Variants in DDX11 observed in about 807,000 individuals in gnomAD.
The protein encoded by DDX11 is DEAD/H-box helicase 11.
In DDX11, 72 loss-of-function variants were observed where a neutral mutation model predicts 125.2. The observed-to-expected ratio is 0.58, with a 90% confidence interval of 0.48 to 0.70. The LOEUF (loss-of-function observed/expected upper bound fraction) is 0.70. DDX11 is among the 30% of genes least tolerant of loss of function. The pLI is 0.00. For missense variants in DDX11, 883 were observed against 1,165.0 expected (o/e 0.76, Z 3.52); for synonymous variants, 347 against 452.6 (o/e 0.77, Z 2.96).
chr12:31,102,796 G>C lies in DDX11; in HGVS notation c.2373-140G>C, dbSNP rs557496773. ...CCGAACAAGCCCTCTCCAGGTGGTAGGTACAGAGTGGAGAGAGGCTGAGTT... is the reference window on the plus strand; with the variant it reads ...CCGAACAAGCCCTCTCCAGGTGGTACGTACAGAGTGGAGAGAGGCTGAGTT... On this transcript the variant is annotated intron_variant, in intron 23 of 26. Transcript: ENST00000542838. The C allele has an allele frequency of 4.1e-4, 319 of 782,594 alleles. 2 individuals carry two copies. Among genetic ancestry groups the C allele is most frequent in the Admixed American group, 2.2e-3 (110 of 48,908 alleles). The allele number at this position is 782,594 out of a possible 1,614,324, so 48.5% of individuals were successfully genotyped here. A position where few individuals can be genotyped will look rare whatever the true frequency, so the allele number is the denominator to read the frequency against.
At chr12:31,091,426 G>A (rs568798672) in intron 9 of DDX11, 88 of 365,478 alleles carry the variant, frequency 2.4e-4, no homozygotes, top group African/African-American at 1.7e-3. Context: ...AAACTCGGGG[G>A]CCTCCGGGGC....
chr12:31,099,933 C>T (rs1376561710), intron 18 of DDX11, among the ~76,000 whole-genome samples: 2 of 152,098 alleles, frequency 1.3e-5, no homozygotes, highest in Admixed American at 1.3e-4. Context: ...TCATTTTTCC[C>T]TTTCCTGTTT....
chr12:31,084,810 G>A, intron 4 of DDX11, 141 bp downstream of exon 4: 1 of 988,028 alleles, frequency 1.0e-6, no homozygotes, highest in South Asian at 1.4e-5. Context: ...GCTGGGCTGT[G>A]AGTGGTTGAG....
At chr12:31,089,023 G>A (rs369463302) in intron 6 of DDX11, 21 bp from the exon 7 acceptor site, 60 of 1,601,800 alleles carry the variant, frequency 3.7e-5, no homozygotes, top group African/African-American at 3.2e-4. Flanking sequence ...TCTTTGAAGC[G>A]CCTTTCTTTC....
At position 31,084,954 on chromosome 12, in the gene DDX11, A is replaced by G. The variant is rs1942805614; in HGVS notation, c.481-15A>G. 1.9e-6 allele frequency: 3 copies of G among 1,597,696 alleles called. No homozygotes were observed. The highest frequency in any genetic ancestry group is 2.6e-6 in the Non-Finnish European group (3 of 1,171,108). ...GACTTCTTCCTCCCTCACCACCTCCACTACCCCTGTCCAGAGGCAGGAAGA... is the reference window on the plus strand; with the variant it reads ...GACTTCTTCCTCCCTCACCACCTCCGCTACCCCTGTCCAGAGGCAGGAAGA... On this transcript the variant is annotated splice_polypyrimidine_tract_variant and intron_variant, in intron 4 of 26. Coordinates refer to ENST00000542838, the MANE Select transcript of DDX11 (RefSeq NM_030653.4).
intron 2 of DDX11, among the ~76,000 whole-genome samples, chr12:31,078,761 C>T (rs1242824637): frequency 4.6e-5 from 7 of 150,928 alleles, no homozygotes; most frequent in Admixed American, 3.3e-4. Context: ...GATCTCGGCT[C>T]ACTGCAAGCT....
At position 31,096,912 on chromosome 12, in the gene DDX11, C is replaced by T; in HGVS notation, c.1684C>T (p.Pro562Ser). 1 of 1,614,192 alleles carries T rather than the reference C, an allele frequency of 6.2e-7. No individual in the cohort carries two copies. Among genetic ancestry groups the T allele is most frequent in the Non-Finnish European group, 8.5e-7 (1 of 1,180,040 alleles). ...GGCCAGCACCCTGCGACCAGCTTCT[C>T]CACTGATGCACATCCAAGGCTTCCT... ...SQASTLRPAS[P>S]LMHIQGFLAA... Residue 562 changes from proline to serine, a missense_variant, in exon 17 of 27, where the codon CCA (proline) becomes TCA (serine). Around this residue, in one of 5 missense-constraint regions of DDX11, gnomAD observed 241 missense variants for 279.7 expected, o/e 0.86. Coordinates refer to ENST00000542838, the MANE Select transcript of DDX11 (RefSeq NM_030653.4).
At chr12:31,091,352 G>A in intron 9 of DDX11, 1 of 206,626 alleles carries the variant, frequency 4.8e-6, no homozygotes. Flanking sequence ...CTGGGGAGTA[G>A]CAGCTCCAGG....
At chr12:31,097,710 C>T in intron 17 of DDX11, among the ~76,000 whole-genome samples, 175 bp from the exon 18 acceptor site, 1 of 145,392 alleles carries the variant, frequency 6.9e-6, no homozygotes, top group Non-Finnish European at 1.5e-5. Flanking sequence ...ATGGAGAGGA[C>T]AGTGTGGTCC....
rs144142377 is a variant in DDX11 at position 31,090,719 on chromosome 12, C to T, written c.1089+625C>T. Among the ~76,000 whole-genome samples the T allele has an allele frequency of 4.8e-3, 734 of 152,264 alleles. 5 individuals are homozygous for T. The highest frequency in any genetic ancestry group is 0.017 in the African/African-American group (692 of 41,542). On this transcript the variant is annotated intron_variant, in intron 9 of 26. Coordinates refer to ENST00000542838, the MANE Select transcript of DDX11 (RefSeq NM_030653.4). ...TCTTTAATTTGAGTGACTTTGGAAA[C>T]GGGATATCACTAGTGGAAAATTCTG... is the stretch of plus-strand genomic sequence containing the variant.
At chr12:31,087,436 A>G (rs1943352167) in intron 5 of DDX11, 1 of 301,414 alleles carries the variant, frequency 3.3e-6, no homozygotes, top group South Asian at 3.2e-5. Flanking sequence ...AGCAGGGGCC[A>G]TGAATCTGTG....
intron 18 of DDX11, among the ~76,000 whole-genome samples, chr12:31,098,611 G>A (rs1475805090): frequency 7.9e-5 from 12 of 152,230 alleles, no homozygotes; most frequent in South Asian, 2.1e-4. Context: ...AAATATAACC[G>A]CATTTCTGCA....
chr12:31,088,326 G>T (rs533938929), intron 6 of DDX11, among the ~76,000 whole-genome samples: 83 of 152,136 alleles, frequency 5.5e-4, no homozygotes, highest in African/African-American at 1.8e-3. Context: ...TCTCCTGGGG[G>T]CAGGGCCATG....
chr12:31,090,255 G>A (rs1198504043), intron 9 of DDX11, among the ~76,000 whole-genome samples, 161 bp downstream of exon 9: 2 of 145,970 alleles, frequency 1.4e-5, no homozygotes, highest in South Asian at 2.3e-4. Flanking sequence ...TGGAGGAGGC[G>A]CGTGGGATCC....
At chr12:31,079,134 T>C (rs1941339347) in intron 2 of DDX11, among the ~76,000 whole-genome samples, 1 of 152,272 alleles carries the variant, frequency 6.6e-6, no homozygotes, top group Non-Finnish European at 1.5e-5. Flanking sequence ...TTTTAGTCTC[T>C]GCTGAGTGAA....
At chr12:31,094,481 A>G in intron 12 of DDX11, 109 bp from the exon 13 acceptor site, 1 of 1,532,548 alleles carries the variant, frequency 6.5e-7, no homozygotes, top group South Asian at 1.2e-5. Context: ...AAGCCATTTA[A>G]ATACAGATGC....
At chr12:31,084,100 A>C in intron 3 of DDX11, 39 bp downstream of exon 3, 1 of 1,610,176 alleles carries the variant, frequency 6.2e-7, no homozygotes, top group Non-Finnish European at 8.5e-7. Flanking sequence ...GTACTGGAGG[A>C]AACAGGGCTT....
chr12:31,088,943 C>G, intron 6 of DDX11, 101 bp from the exon 7 acceptor site: 1 of 932,750 alleles, frequency 1.1e-6, no homozygotes. Flanking sequence ...GGAGCCACTC[C>G]CTTTCCCTCA....
chr12:31,102,729 T>G, intron 23 of DDX11: 1 of 708,340 alleles, frequency 1.4e-6, no homozygotes, highest in Non-Finnish European at 2.5e-6. Context: ...TACCCATTGC[T>G]GTATCAGGAC....
Sources: gnomAD v4.1 joint callset for allele counts (sites outside exome capture counted in the v4.1 genomes callset) on GRCh38, gnomAD v4.1.1 for gene constraint, gnomAD v4.1.1 regional missense constraint, MANE v1.5 for transcripts, NCBI Gene and HGNC (gene_info 2026-07-23, HGNC 2026-07-21) for gene names.